Variants in MYO16 observed in about 807,000 individuals in gnomAD.
MYO16 encodes the protein myosin XVI.
A neutral mutation model predicts 205.3 loss-of-function variants in MYO16; 94 were observed. The observed-to-expected ratio is 0.46, with a 90% CI of 0.39 to 0.54. MYO16 has a LOEUF of 0.54. MYO16 is among the 20% of genes least tolerant of loss of function. MYO16 has a pLI of 0.00. For missense variants in MYO16, 2,315 were observed against 2,387.5 expected (o/e 0.97, Z 0.63); for synonymous variants, 988 against 954.0 (o/e 1.04, Z -0.66).
chr13:108,852,830 C>A (rs915464521), intron 10 of MYO16, among the ~76,000 whole-genome samples: 1 of 152,124 alleles, frequency 6.6e-6, no homozygotes, highest in Non-Finnish European at 1.5e-5. Flanking sequence ...GAAGTATAGA[C>A]TATGTTTCAT....
At chr13:108,520,260 G>C in the MYO16 span, among the ~76,000 whole-genome samples, 1 of 151,990 alleles carries the variant, frequency 6.6e-6, no homozygotes, top group African/African-American at 2.4e-5. Context: ...ATCAAATTAT[G>C]CATGTGAAAT....
chr13:108,724,828 T>C (rs898784853), intron 3 of MYO16, among the ~76,000 whole-genome samples: 6 of 152,152 alleles, frequency 3.9e-5, no homozygotes, highest in Non-Finnish European at 1.5e-5. Context: ...TTAATCTGTA[T>C]AGATTATAAG....
intron 27 of MYO16, among the ~76,000 whole-genome samples, chr13:109,099,447 TTA>T (rs1254564840): frequency 6.6e-6 from 1 of 152,158 alleles, no homozygotes; most frequent in African/African-American, 2.4e-5. Context: ...ACAATTACAT[TTA>T]CACTGACCTA....
rs532945140 is a variant in MYO16, at chr13:109,163,096, C to T, written c.5165-1805C>T. On this transcript the variant is annotated intron_variant, in intron 32 of 34. Coordinates refer to ENST00000457511, the MANE Select transcript of MYO16 (RefSeq NM_001198950.3). ...CTCTTCTGCCTAGTTTTCAAAATGC[C>T]GATAGTTTTGCCTTTATTCCATCTA... Among the ~76,000 whole-genome samples the T allele has an allele frequency of 8.5e-5, 13 of 152,212 alleles. No individual in the cohort carries two copies. In the East Asian group the frequency reaches 1.9e-3, roughly 23 times the overall value.
rs1881622937 is a variant in MYO16 at position 108,664,136 on chromosome 13, T to C, written c.29-1750T>C. Among the ~76,000 whole-genome samples, 2 of 152,236 alleles carry C rather than the reference T, an allele frequency of 1.3e-5. 1 individual carries two copies. The highest frequency in any genetic ancestry group is 4.1e-4 in the South Asian group (2 of 4,834). ...CAGGGAATATTTTATGTATAGTTAG[T>C]TGATATTTCTCACATCACTTTTATG... is the stretch of plus-strand genomic sequence containing the variant. On this transcript the variant is annotated intron_variant, in intron 1 of 34. Coordinates refer to ENST00000457511, the MANE Select transcript of MYO16 (RefSeq NM_001198950.3).
chr13:109,027,052 G>A (rs1393841921), intron 23 of MYO16, among the ~76,000 whole-genome samples: 1 of 152,156 alleles, frequency 6.6e-6, no homozygotes, highest in East Asian at 1.9e-4. Flanking sequence ...TTTTTTCACA[G>A]TGCTGGAGGA....
chr13:108,705,483 A>T (rs2139530035), intron 2 of MYO16, among the ~76,000 whole-genome samples: 1 of 152,366 alleles, frequency 6.6e-6, no homozygotes, highest in African/African-American at 2.4e-5. Context: ...AGAGAGAAGG[A>T]GACCACATTC....
intron 4 of MYO16, among the ~76,000 whole-genome samples, chr13:108,746,421 A>G (rs1566583926): frequency 6.6e-6 from 1 of 152,166 alleles, no homozygotes; most frequent in South Asian, 2.1e-4. Flanking sequence ...GAGAGTAAGT[A>G]TACACTTTCA....
Position 108,684,926 on chromosome 13 carries a change from T to TA in MYO16, c.292+18778dup, listed in dbSNP as rs538516695. On this transcript the variant is annotated intron_variant, in intron 2 of 34. Transcript: ENST00000457511. ...CATCACTCTGTGTTTTAGTACCCTT[T>TA]ATAGTAAATGGTAAACGTAAGTCAA... Among the ~76,000 whole-genome samples the TA allele has an allele frequency of 1.2e-4, 18 of 152,276 alleles. No homozygotes were observed. In the East Asian group the frequency reaches 3.5e-3, roughly 29 times the overall value.
In MYO16 at chr13:108,741,231, T is replaced by C. The variant is rs1884899761; in HGVS notation, c.507+13648T>C. Among the ~76,000 whole-genome samples the C allele has an allele frequency of 2.6e-5, 4 of 152,198 alleles. No individual in the cohort carries two copies. In the South Asian group the frequency reaches 8.3e-4, roughly 32 times the overall value. On this transcript the variant is annotated intron_variant, in intron 4 of 34. Coordinates refer to ENST00000457511, the MANE Select transcript of MYO16 (RefSeq NM_001198950.3). ...CACCCATCTTCTGCGTCGCTCACGC[T>C]GGGAGCTGTAGACTGGAGCTGTTCC...
intron 14 of MYO16, among the ~76,000 whole-genome samples, chr13:108,891,631 T>C (rs997212399): frequency 2.6e-5 from 4 of 152,252 alleles, no homozygotes; most frequent in Non-Finnish European, 5.9e-5. Flanking sequence ...CAAAGTGCGA[T>C]ATTGCTGCAG....
chr13:108,709,518 C>T lies in MYO16; in HGVS notation c.293-3143C>T, dbSNP rs994973168. On this transcript the variant is annotated intron_variant, in intron 2 of 34. Transcript: ENST00000457511. ...TCCTTATTAGTAAAAGAAAGAGTGA[C>T]GATTATAGTGTCTGTATTATAGAGG... Among the ~76,000 whole-genome samples, 9 of 121,794 alleles carry T rather than the reference C, an allele frequency of 7.4e-5. 1 individual carries two copies. The highest frequency in any genetic ancestry group is 2.5e-4 in the Admixed American group (3 of 11,884). The allele number at this position is 121,794 out of a possible 152,430, so 79.9% of individuals were successfully genotyped here.
At chr13:108,748,673 C>T (rs1005076166) in intron 4 of MYO16, among the ~76,000 whole-genome samples, 4 of 151,956 alleles carry the variant, frequency 2.6e-5, no homozygotes, top group Admixed American at 6.6e-5. Flanking sequence ...ACAAGCAGAC[C>T]GATATAAATA....
chr13:108,691,383 G>C (rs1011955264), intron 2 of MYO16, among the ~76,000 whole-genome samples: 4 of 151,836 alleles, frequency 2.6e-5, no homozygotes, highest in East Asian at 3.9e-4. Context: ...ATAAATTAGA[G>C]GTGTAGGGGT....
chr13:109,021,461 C>T (rs1886020300), intron 23 of MYO16, among the ~76,000 whole-genome samples: 1 of 152,132 alleles, frequency 6.6e-6, no homozygotes, highest in Admixed American at 6.6e-5. Flanking sequence ...CACGGAGGCT[C>T]ACCAGCTAAC....
intron 12 of MYO16, 93 bp from the exon 13 acceptor site, chr13:108,882,966 T>G (rs1879690039): frequency 3.3e-6 from 5 of 1,500,060 alleles, no homozygotes; most frequent in Admixed American, 4.0e-5. Context: ...CATTCACTTC[T>G]GTATCTTGGA....
chr13:108,804,503 TTTGTTG>T (rs535136904), intron 6 of MYO16, among the ~76,000 whole-genome samples: 9 of 152,020 alleles, frequency 5.9e-5, no homozygotes, highest in Admixed American at 2.0e-4. Context: ...AATAGACATT[TTTGTTG>T]TTGTTGTTGT....
At chr13:109,016,533 T>C (rs1195497232) in intron 22 of MYO16, among the ~76,000 whole-genome samples, 1 of 152,178 alleles carries the variant, frequency 6.6e-6, no homozygotes, top group Non-Finnish European at 1.5e-5. Flanking sequence ...ACTTTCTGTC[T>C]TGTTGATCTA....
chr13:109,039,933 A>G (rs374217952), intron 23 of MYO16, among the ~76,000 whole-genome samples: 2 of 152,184 alleles, frequency 1.3e-5, no homozygotes, highest in Non-Finnish European at 2.9e-5. Flanking sequence ...AACCTATAAT[A>G]TGAGTGACAA....
Sources: allele counts gnomAD v4.1 joint callset (sites outside exome capture counted in the v4.1 genomes callset), GRCh38; gene constraint gnomAD v4.1.1; transcripts MANE v1.5; gene names NCBI Gene and HGNC (gene_info 2026-07-23, HGNC 2026-07-21).